CABP4: variants seen among roughly 807,000 people sequenced by gnomAD.
The protein encoded by CABP4 is calcium-binding protein 4.
CABP4 carries 30 observed loss-of-function variants against 30.7 expected under a neutral mutation model. That is an observed-to-expected ratio of 0.98 (90% CI 0.73 to 1.33). The LOEUF (loss-of-function observed/expected upper bound fraction) is 1.33, where lower values mean the gene tolerates loss of function less well. CABP4 is among the 40% of genes most tolerant of loss of function. The pLI is 0.00. For missense variants in CABP4, 424 were observed against 395.5 expected (o/e 1.07, Z -0.61); for synonymous variants, 161 against 159.2 (o/e 1.01, Z -0.08).
upstream of CABP4, chr11:67,452,631 C>T: frequency 6.2e-7 from 1 of 1,613,706 alleles, no homozygotes; most frequent in African/African-American, 1.3e-5. Flanking sequence ...AAGACCGTGT[C>T]CCAGCCACCT....
chr11:67,452,895 A>G, upstream of CABP4: 2 of 600,922 alleles, frequency 3.3e-6, no homozygotes, highest in Non-Finnish European at 5.9e-6. Context: ...AAGGACTTGA[A>G]GTGGATGACC....
rs758906973 is a variant in CABP4 at position 67,457,564 on chromosome 11, G to T, written c.542-9G>T. 1 of 1,572,092 alleles carries T rather than the reference G, an allele frequency of 6.4e-7. No individual in the cohort carries two copies. Among genetic ancestry groups the T allele is most frequent in the Admixed American group, 1.9e-5 (1 of 53,304 alleles). ...CCTCACCATTGTGACACTCTTCCTG[G>T]GTCTGCAGTGGGCGGCCGTGTGGAC... is the stretch of plus-strand genomic sequence containing the variant. On this transcript the variant is annotated splice_polypyrimidine_tract_variant and intron_variant, in intron 3 of 5. Transcript: ENST00000325656.
In CABP4 at chr11:67,455,573, G is replaced by GTCTCGAAAGCGCACTGGCAGC. The variant is rs1295331030; in HGVS notation, c.154_174dup (p.Arg52_Ser58dup). ...GCAAGAAGGAGAGGGGGCTCCGAGG[G>GTCTCGAAAGCGCACTGGCAGC]TCTCGAAAGCGCACTGGCAGCTCTG... is the stretch of plus-strand genomic sequence containing the variant. On this transcript the variant is annotated inframe_insertion, in exon 1 of 6. Coordinates refer to ENST00000325656, the MANE Select transcript of CABP4 (RefSeq NM_145200.5). The GTCTCGAAAGCGCACTGGCAGC allele has an allele frequency of 1.2e-6, 2 of 1,602,982 alleles. No homozygotes were observed. Among genetic ancestry groups the GTCTCGAAAGCGCACTGGCAGC allele is most frequent in the Admixed American group, 3.4e-5 (2 of 58,074 alleles).
Position 67,459,124 on chromosome 11 carries a change from AG to A in CABP4, c.*466del, listed in dbSNP as rs1263920697. 5.2e-6 allele frequency: 1 copy of A among 192,422 alleles called. No homozygotes were observed. Among genetic ancestry groups the A allele is most frequent in the African/African-American group, 2.4e-5 (1 of 42,524 alleles). The allele number at this position is 192,422 out of a possible 1,614,324, so 11.9% of individuals were successfully genotyped here. On this transcript the variant is annotated 3_prime_UTR_variant, in exon 6 of 6. Transcript: ENST00000325656. ...TGTCAGGGGGCAGAAGCGGGAGGAT[AG>A]CTTGAGCCCAGGAGTGCAAGACCTG...
upstream of CABP4, among the ~76,000 whole-genome samples, chr11:67,454,239 C>A (rs1638561): frequency 0.12 from 18,231 of 152,096 alleles, 3,609 homozygotes; most frequent in African/African-American, 0.41. Flanking sequence ...CCGCTGGCAG[C>A]GGGGAGGGAG....
chr11:67,455,897 C>G (rs938557980), intron 1 of CABP4, 108 bp downstream of exon 1: 2 of 1,420,512 alleles, frequency 1.4e-6, no homozygotes, highest in African/African-American at 2.8e-5. Context: ...TCTTCTGCCC[C>G]AGACTGAGCC....
upstream of CABP4, chr11:67,453,022 T>TC (rs1434553656): frequency 1.0e-5 from 3 of 295,048 alleles, no homozygotes; most frequent in East Asian, 1.7e-4. Context: ...CTTTTCTTTT[T>TC]TTTTTTTTGA....
intron 1 of CABP4, 33 bp downstream of exon 1, chr11:67,455,822 T>C: frequency 1.9e-6 from 3 of 1,550,260 alleles, no homozygotes; most frequent in South Asian, 1.2e-5. Context: ...CTGGGGGTCC[T>C]GGGGGTGGGG....
chr11:67,456,580 C>T lies in CABP4; in HGVS notation c.541+138C>T, dbSNP rs538580148. On this transcript the variant is annotated intron_variant, in intron 3 of 5. Transcript: ENST00000325656. Reference sequence around the variant, plus strand: ...GGTGGCGGTTTCCAGGCAGGGGCACCGGGTTCAAGCTCCTGCCTCTCTGTG... The same window carrying T: ...GGTGGCGGTTTCCAGGCAGGGGCACTGGGTTCAAGCTCCTGCCTCTCTGTG... The T allele has an allele frequency of 8.3e-5, 91 of 1,100,208 alleles. No individual in the cohort carries two copies. In the East Asian group the frequency reaches 1.4e-3, roughly 17 times the overall value. The allele number at this position is 1,100,208 out of a possible 1,614,324, so 68.2% of individuals were successfully genotyped here.
At chr11:67,456,865 G>T (rs1864828841) in intron 3 of CABP4, among the ~76,000 whole-genome samples, 1 of 152,206 alleles carries the variant, frequency 6.6e-6, no homozygotes, top group Non-Finnish European at 1.5e-5. Context: ...GGTGGCAGCT[G>T]CCTGAATTGG....
At chr11:67,452,847 C>A, upstream of CABP4, 3 of 752,770 alleles carry the variant, frequency 4.0e-6, 1 homozygote, top group South Asian at 3.8e-5. Context: ...TCCCTCCCTG[C>A]GCCATTGTCA....
chr11:67,457,789 T>C, intron 4 of CABP4, 107 bp downstream of exon 4: 1 of 898,782 alleles, frequency 1.1e-6, no homozygotes, highest in Non-Finnish European at 1.7e-6. Flanking sequence ...CTGCAGGCGG[T>C]GGGACTGGGG....
chr11:67,457,505 T>A, intron 3 of CABP4, 68 bp from the exon 4 acceptor site: 1 of 1,366,406 alleles, frequency 7.3e-7, no homozygotes. Context: ...GCCTGGCCTG[T>A]GGGATGTCCC....
At chr11:67,457,833 A>T (rs1624189) in intron 4 of CABP4, 151 bp downstream of exon 4, 7 of 658,686 alleles carry the variant, frequency 1.1e-5, no homozygotes, top group Non-Finnish European at 1.6e-5. Flanking sequence ...TCAGATCACT[A>T]CCAGCTAGAG....
Position 67,459,064 on chromosome 11 carries a change from AG to A in CABP4, c.*406del. On this transcript the variant is annotated 3_prime_UTR_variant, in exon 6 of 6. Transcript: ENST00000325656. ...ATTTTTTTTTTTTTTAATGAACTTG[AG>A]CCGGGTGCAGTGGCTCACACCTGTA... 1 of 253,918 alleles carries A rather than the reference AG, an allele frequency of 3.9e-6. No individual in the cohort carries two copies. The allele number at this position is 253,918 out of a possible 1,614,324, so 15.7% of individuals were successfully genotyped here.
intron 3 of CABP4, among the ~76,000 whole-genome samples, 185 bp downstream of exon 3, chr11:67,456,627 C>T (rs189271206): frequency 1.3e-4 from 20 of 152,298 alleles, no homozygotes; most frequent in African/African-American, 3.8e-4. Flanking sequence ...GCCAGCAAGG[C>T]GGCCCGGAGA....
At chr11:67,452,531 C>T (rs147312583), upstream of CABP4, 124 of 1,606,358 alleles carry the variant, frequency 7.7e-5, no homozygotes, top group Non-Finnish European at 8.3e-5. Context: ...CAGCGCCAGA[C>T]GCGTGCCAGC....
intron 2 of CABP4, 36 bp from the exon 3 acceptor site, chr11:67,456,263 G>A (rs1252852913): frequency 1.2e-6 from 2 of 1,613,666 alleles, no homozygotes; most frequent in South Asian, 1.1e-5. Context: ...CTGTCCCTGA[G>A]CCTGGCCACC....
Position 67,455,775 on chromosome 11 carries a change from C to T in CABP4, c.352C>T (p.Arg118Ter), listed in dbSNP as rs1426615876. The T allele has an allele frequency of 7.6e-6, 12 of 1,578,080 alleles. No homozygotes were observed. Among genetic ancestry groups the T allele is most frequent in the African/African-American group, 1.3e-5 (1 of 74,244 alleles). ...GAGGACATACGGGCCCCTGCTCAAT[C>T]GAGTCTTCGGGAAGGTTAGGTGGGA... is the stretch of plus-strand genomic sequence containing the variant. ...AQRTYGPLLNRVFGKDRELGP... is the reference protein window; with the variant it reads ...AQRTYGPLLN The change falls in exon 1 of 6, where the codon CGA (arginine) becomes TGA (stop). Residue 118 changes from arginine (R) to a stop codon, truncating the protein, a stop_gained. Transcript: ENST00000325656. LOFTEE classifies it high-confidence loss of function.
Sources: allele counts gnomAD v4.1 joint callset (sites outside exome capture counted in the v4.1 genomes callset), GRCh38; gene constraint gnomAD v4.1.1; transcripts MANE v1.5; gene names NCBI Gene and HGNC (gene_info 2026-07-23, HGNC 2026-07-21).